CACNA2D2: variants seen among roughly 807,000 people sequenced by gnomAD.
CACNA2D2 encodes calcium voltage-gated channel auxiliary subunit alpha2delta 2, also known as voltage-dependent calcium channel subunit alpha-2/delta-2.
A neutral mutation model predicts 166.4 loss-of-function variants in CACNA2D2; 48 were observed. The observed-to-expected ratio is 0.29, with a 90% CI of 0.23 to 0.37. CACNA2D2 has a LOEUF of 0.37. Ranked by LOEUF, CACNA2D2 falls within the 10% of genes least tolerant of loss-of-function variation. The pLI is 1.00. For missense variants in CACNA2D2, 1,122 were observed against 1,433.0 expected (o/e 0.78, Z 3.50); for synonymous variants, 561 against 573.7 (o/e 0.98, Z 0.32).
intron 3 of CACNA2D2, among the ~76,000 whole-genome samples, chr3:50,410,479 A>AAGGG: frequency 9.5e-6 from 1 of 105,010 alleles, no homozygotes; most frequent in African/African-American, 4.9e-5. Flanking sequence ...GCTCCCTGGG[A>AAGGG]TGGGGGGGGG....
At chr3:50,409,190 T>C (rs906539953) in intron 3 of CACNA2D2, among the ~76,000 whole-genome samples, 1 of 152,170 alleles carries the variant, frequency 6.6e-6, no homozygotes, top group Non-Finnish European at 1.5e-5. Context: ...GCCACATTAA[T>C]GATAAAACAG....
intron 1 of CACNA2D2, among the ~76,000 whole-genome samples, chr3:50,497,426 T>C (rs1445805293): frequency 1.3e-5 from 2 of 152,226 alleles, no homozygotes; most frequent in Non-Finnish European, 2.9e-5. Context: ...TAATCCCAGC[T>C]AGACAGTCTC....
At chr3:50,475,297 T>C (rs1315966115) in intron 2 of CACNA2D2, among the ~76,000 whole-genome samples, 3 of 151,990 alleles carry the variant, frequency 2.0e-5, no homozygotes, top group South Asian at 2.1e-4. Context: ...CCAGCAACAG[T>C]AGGTTGGCTT....
chr3:50,383,288 T>C (rs1160949988), intron 6 of CACNA2D2, among the ~76,000 whole-genome samples: 1 of 151,782 alleles, frequency 6.6e-6, no homozygotes, highest in Non-Finnish European at 1.5e-5. Context: ...GACCCCGAGA[T>C]GGAGAGGGCC....
intron 5 of CACNA2D2, 82 bp from the exon 6 acceptor site, chr3:50,384,419 A>G (rs1705488577): frequency 6.6e-7 from 1 of 1,510,856 alleles, no homozygotes; most frequent in Non-Finnish European, 9.1e-7. Context: ...AGGGGCAGGG[A>G]GGGCCAGAGT....
intron 1 of CACNA2D2, 47 bp from the exon 2 acceptor site, chr3:50,476,246 C>A: frequency 4.1e-6 from 6 of 1,478,510 alleles, no homozygotes; most frequent in Non-Finnish European, 5.5e-6. Context: ...CTGCCCAGAG[C>A]TGCACAGCCC....
chr3:50,472,835 GAGCTCAGAGCCCA>G (rs1246673445), intron 2 of CACNA2D2, among the ~76,000 whole-genome samples: 2 of 152,086 alleles, frequency 1.3e-5, no homozygotes, highest in Non-Finnish European at 2.9e-5. Context: ...TTATGTAAAT[GAGCTCAGAGCCCA>G]AGCATATGCA....
At chr3:50,470,787 G>T (rs536046525) in intron 2 of CACNA2D2, among the ~76,000 whole-genome samples, 2 of 151,826 alleles carry the variant, frequency 1.3e-5, no homozygotes, top group Non-Finnish European at 2.9e-5. Flanking sequence ...GGTTGGGGGG[G>T]ACACAGAGGG....
At chr3:50,469,635 C>T (rs1709981052) in intron 2 of CACNA2D2, among the ~76,000 whole-genome samples, 1 of 152,184 alleles carries the variant, frequency 6.6e-6, no homozygotes, top group Non-Finnish European at 1.5e-5. Flanking sequence ...CCCTGTGAGA[C>T]AGTACTGCTT....
At chr3:50,457,175 G>A (rs374680087) in intron 2 of CACNA2D2, among the ~76,000 whole-genome samples, 4 of 152,176 alleles carry the variant, frequency 2.6e-5, no homozygotes, top group African/African-American at 4.8e-5. Context: ...GCTTGAACTC[G>A]GGAGGCGGAG....
intron 3 of CACNA2D2, among the ~76,000 whole-genome samples, chr3:50,425,363 C>T (rs1707758709): frequency 6.6e-6 from 1 of 152,162 alleles, no homozygotes; most frequent in Non-Finnish European, 1.5e-5. Flanking sequence ...TTGGAAATTC[C>T]ACCTGCCTTC....
chr3:50,485,506 A>G (rs1386721538), intron 1 of CACNA2D2, among the ~76,000 whole-genome samples: 1 of 152,254 alleles, frequency 6.6e-6, no homozygotes, highest in African/African-American at 2.4e-5. Flanking sequence ...ATGACTCCGT[A>G]TTGAGTAAAT....
intron 1 of CACNA2D2, among the ~76,000 whole-genome samples, chr3:50,499,421 C>A (rs1001168426): frequency 3.3e-5 from 5 of 152,210 alleles, no homozygotes; most frequent in Non-Finnish European, 5.9e-5. Flanking sequence ...TGACGGAGCC[C>A]TCCCTGCCCA....
At chr3:50,432,226 A>C (rs1708104552) in intron 3 of CACNA2D2, among the ~76,000 whole-genome samples, 1 of 152,104 alleles carries the variant, frequency 6.6e-6, no homozygotes, top group Non-Finnish European at 1.5e-5. Context: ...GCTTGGAAAG[A>C]GACCCCAGCC....
intron 3 of CACNA2D2, among the ~76,000 whole-genome samples, chr3:50,431,465 G>T (rs1708061405): frequency 6.6e-6 from 1 of 152,086 alleles, no homozygotes; most frequent in Non-Finnish European, 1.5e-5. Context: ...TAATGTGGGG[G>T]AGTCAAGGGG....
intron 6 of CACNA2D2, among the ~76,000 whole-genome samples, chr3:50,382,915 C>T (rs587692683): frequency 2.0e-5 from 3 of 152,336 alleles, no homozygotes; most frequent in East Asian, 1.9e-4. Context: ...AAGGCACACT[C>T]GCGCAAACAC....
chr3:50,384,551 C>A (rs1046567334), intron 5 of CACNA2D2, among the ~76,000 whole-genome samples: 15 of 152,076 alleles, frequency 9.9e-5, no homozygotes, highest in African/African-American at 3.4e-4. Flanking sequence ...ACTCCCATCT[C>A]CCCCTGCCCA....
At chr3:50,384,933 T>C (rs975555863) in intron 5 of CACNA2D2, among the ~76,000 whole-genome samples, 26 of 152,162 alleles carry the variant, frequency 1.7e-4, no homozygotes, top group African/African-American at 5.8e-4. Context: ...GGGGCTACCA[T>C]TCAGATCTGC....
intron 4 of CACNA2D2, among the ~76,000 whole-genome samples, chr3:50,390,995 G>A (rs1218876368): frequency 6.6e-6 from 1 of 152,242 alleles, no homozygotes; most frequent in Non-Finnish European, 1.5e-5. Context: ...TGCCAGCTCA[G>A]CCTGGCCAAG....
Sources: gnomAD v4.1 joint callset for allele counts (sites outside exome capture counted in the v4.1 genomes callset) on GRCh38, gnomAD v4.1.1 for gene constraint, MANE v1.5 for transcripts, NCBI Gene and HGNC (gene_info 2026-07-23, HGNC 2026-07-21) for gene names.